RPS6KA5: variants seen among roughly 807,000 people sequenced by gnomAD.
RPS6KA5 encodes the protein ribosomal protein S6 kinase alpha-5.
A neutral mutation model predicts 85.5 loss-of-function variants in RPS6KA5; 27 were observed. The ratio of observed to expected loss-of-function variants is 0.32; its 90% CI spans 0.23 to 0.44. The LOEUF is 0.44. RPS6KA5 is among the 20% of genes least tolerant of loss of function. The pLI is 1.00. For synonymous variants in RPS6KA5, 334 were observed against 348.2 expected, an observed-to-expected ratio of 0.96 and a Z score of 0.46; for missense variants, 811 against 980.9, an observed-to-expected ratio of 0.83 and a Z score of 2.31.
rs1269247793 is a variant in RPS6KA5, at chr14:90,859,159, C to T, written c.*12915G>A. 1 of 152,160 alleles carries T rather than the reference C, an allele frequency of 6.6e-6. No individual in the cohort carries two copies. Among genetic ancestry groups the T allele is most frequent in the Non-Finnish European group, 1.5e-5 (1 of 68,066 alleles). 9.4% of individuals were successfully genotyped at this position (152,160 alleles called of 1,614,324 possible). On this transcript the variant is annotated 3_prime_UTR_variant, in exon 17 of 17. Transcript: ENST00000614987. ...AGAGGCCATATGCTAGGAGTAAGAG[C>T]AAAACTGAAATGTACAAGCCCAACA...
At chr14:91,036,818 G>A (rs539038736) in intron 1 of RPS6KA5, among the ~76,000 whole-genome samples, 1 of 152,290 alleles carries the variant, frequency 6.6e-6, no homozygotes, top group Non-Finnish European at 1.5e-5. Flanking sequence ...CCCAAGGGGA[G>A]CATTAACTTC....
rs1277471045 is a variant in RPS6KA5, at chr14:91,060,405, G to A, written c.30C>T (p.Gly10=). MEEEGGSSG[G]AAGTSADGGD... ...CGCCGTCCGCGCTGGTCCCCGCGGC[G>A]CCGCCGCTGCTGCCACCCTCCTCCT... Residue 10 remains glycine, a synonymous_variant, in exon 1 of 17, where the codon GGC becomes GGT. Transcript: ENST00000614987. 3.3e-6 allele frequency: 5 copies of A among 1,504,150 alleles called. No homozygotes were observed. Among genetic ancestry groups the A allele is most frequent in the East Asian group, 2.7e-5 (1 of 37,268 alleles). The allele number at this position is 1,504,150 out of a possible 1,614,324, so 93.2% of individuals were successfully genotyped here. A position where few individuals can be genotyped will look rare whatever the true frequency, so the allele number is the denominator to read the frequency against.
intron 5 of RPS6KA5, among the ~76,000 whole-genome samples, chr14:90,926,678 T>C (rs2036689627): frequency 4.0e-5 from 6 of 151,446 alleles, no homozygotes; most frequent in Admixed American, 4.0e-4. Flanking sequence ...TGTGTGTGTG[T>C]GTGTGTGTGT....
chr14:90,858,707 C>A lies in RPS6KA5; in HGVS notation c.*13367G>T, dbSNP rs1407356645. The stretch of plus-strand genomic sequence containing the variant: ...AACTTGACGAGCTGCAATAAAATAG[C>A]TGAAAGGAGGGAAAAAAGGGAAGCA... On this transcript the variant is annotated 3_prime_UTR_variant, in exon 17 of 17. Coordinates refer to ENST00000614987, the MANE Select transcript of RPS6KA5 (RefSeq NM_004755.4). 1 of 152,090 alleles carries A rather than the reference C, an allele frequency of 6.6e-6. No individual in the cohort carries two copies. The highest frequency in any genetic ancestry group is 1.9e-4 in the East Asian group (1 of 5,194). 9.4% of individuals were successfully genotyped at this position (152,090 alleles called of 1,614,324 possible).
At chr14:90,916,714 T>G (rs1357055322) in intron 7 of RPS6KA5, among the ~76,000 whole-genome samples, 2 of 151,994 alleles carry the variant, frequency 1.3e-5, no homozygotes, top group East Asian at 3.8e-4. Context: ...ACCATGAAAT[T>G]ACAGGTTGAC....
At chr14:91,021,759 G>A (rs2041791774) in intron 1 of RPS6KA5, among the ~76,000 whole-genome samples, 1 of 152,134 alleles carries the variant, frequency 6.6e-6, no homozygotes, top group African/African-American at 2.4e-5. Context: ...TTTGGTCACT[G>A]GAAGCACTTT....
rs2032542000 is a variant in RPS6KA5 at position 90,861,377 on chromosome 14, C to G, written c.*10697G>C. On this transcript the variant is annotated 3_prime_UTR_variant, in exon 17 of 17. Coordinates refer to ENST00000614987, the MANE Select transcript of RPS6KA5 (RefSeq NM_004755.4). ...CTCTACTAAAAATACAAAAAATTAG[C>G]CGGGCGTAGTGGCAGGCGCCTGTAG... is the stretch of plus-strand genomic sequence containing the variant. The G allele has an allele frequency of 6.8e-6, 1 of 147,864 alleles. No individual in the cohort carries two copies. The allele number at this position is 147,864 out of a possible 1,614,324, so 9.2% of individuals were successfully genotyped here. A position where few individuals can be genotyped will look rare whatever the true frequency, so the allele number is the denominator to read the frequency against.
At chr14:90,919,263 G>A (rs192695493) in intron 7 of RPS6KA5, among the ~76,000 whole-genome samples, 138 of 152,252 alleles carry the variant, frequency 9.1e-4, no homozygotes, top group Non-Finnish European at 1.3e-3. Flanking sequence ...GTAAGCTGGG[G>A]CAATCATAGG....
At chr14:90,883,801 T>C (rs1197122963) in intron 14 of RPS6KA5, among the ~76,000 whole-genome samples, 3 of 152,220 alleles carry the variant, frequency 2.0e-5, no homozygotes, top group Non-Finnish European at 4.4e-5. Context: ...TTTGTTTTTG[T>C]TTATTGCTTT....
chr14:90,927,021 T>C (rs2097635117), intron 5 of RPS6KA5, among the ~76,000 whole-genome samples: 1 of 152,154 alleles, frequency 6.6e-6, no homozygotes, highest in African/African-American at 2.4e-5. Flanking sequence ...AAATACTAAA[T>C]AATATAAAAA....
intron 7 of RPS6KA5, among the ~76,000 whole-genome samples, chr14:90,908,756 G>A (rs902130910): frequency 5.9e-5 from 9 of 152,336 alleles, no homozygotes; most frequent in Non-Finnish European, 7.3e-5. Flanking sequence ...CGTGGCAGGT[G>A]GGTCAGGTGC....
Position 90,856,829 on chromosome 14 carries a change from C to A in RPS6KA5, c.*15245G>T. Reference sequence around the variant, plus strand: ...TATACATTGTCACTCCCTATTTCCCCCTCCCACCAGCCCCTGAAAAACACT... The same window carrying A: ...TATACATTGTCACTCCCTATTTCCCACTCCCACCAGCCCCTGAAAAACACT... On this transcript the variant is annotated 3_prime_UTR_variant, in exon 17 of 17. Coordinates refer to ENST00000614987, the MANE Select transcript of RPS6KA5 (RefSeq NM_004755.4). 1 of 163,192 alleles carries A rather than the reference C, an allele frequency of 6.1e-6. No individual in the cohort carries two copies. Among genetic ancestry groups the A allele is most frequent in the Non-Finnish European group, 1.3e-5 (1 of 76,230 alleles). 10.1% of individuals were successfully genotyped at this position (163,192 alleles called of 1,614,324 possible).
At chr14:90,986,860 C>G (rs1405510787) in intron 2 of RPS6KA5, among the ~76,000 whole-genome samples, 1 of 152,250 alleles carries the variant, frequency 6.6e-6, no homozygotes, top group African/African-American at 2.4e-5. Context: ...CTGCTTAGAC[C>G]ACATGCCTGT....
chr14:91,056,261 T>A (rs2043313666), intron 1 of RPS6KA5, among the ~76,000 whole-genome samples: 1 of 152,146 alleles, frequency 6.6e-6, no homozygotes. Context: ...CTCCTCTTCT[T>A]AGAGTTTAGT....
Position 90,858,918 on chromosome 14 carries a change from G to T in RPS6KA5, c.*13156C>A, listed in dbSNP as rs2032409424. The T allele has an allele frequency of 6.6e-6, 1 of 152,208 alleles. No individual in the cohort carries two copies. Among genetic ancestry groups the T allele is most frequent in the South Asian group, 2.1e-4 (1 of 4,834 alleles). The allele number at this position is 152,208 out of a possible 1,614,324, so 9.4% of individuals were successfully genotyped here. Reference sequence around the variant, plus strand: ...CAGAGCGAAGAAACCTCAGGGAAGTGAGCCTGAAATACTGGTACAGTATCT... The same window carrying T: ...CAGAGCGAAGAAACCTCAGGGAAGTTAGCCTGAAATACTGGTACAGTATCT... On this transcript the variant is annotated 3_prime_UTR_variant, in exon 17 of 17. Transcript: ENST00000614987.
intron 3 of RPS6KA5, among the ~76,000 whole-genome samples, chr14:90,961,067 T>C (rs1300959847): frequency 6.6e-6 from 1 of 152,144 alleles, no homozygotes; most frequent in Admixed American, 6.5e-5. Context: ...AAACAATGAC[T>C]TGGGTGGCCC....
At chr14:90,993,831 C>G (rs2040405923) in intron 2 of RPS6KA5, among the ~76,000 whole-genome samples, 1 of 152,160 alleles carries the variant, frequency 6.6e-6, no homozygotes, top group African/African-American at 2.4e-5. Context: ...TTTCTTTGAA[C>G]AGTGCCTCTA....
At chr14:90,928,763 A>G (rs1260713865) in intron 5 of RPS6KA5, among the ~76,000 whole-genome samples, 1 of 151,394 alleles carries the variant, frequency 6.6e-6, no homozygotes, top group Non-Finnish European at 1.5e-5. Flanking sequence ...AAGGAAAAAA[A>G]CACACTCTGG....
At position 90,906,238 on chromosome 14, in the gene RPS6KA5, T is replaced by G; in HGVS notation, c.868A>C (p.Ile290Leu). Residue 290 changes from isoleucine (I) to leucine (L), a missense_variant, in exon 8 of 17, where the codon ATT becomes CTT. Ile to Leu is a conservative substitution (Grantham distance 5). Transcript: ENST00000614987. ...QEMSALAKDL[I>L]QRLLMKDPKK... Reference sequence around the variant, plus strand: ...GGATCTTTCATCAAAAGACGCTGAATTAGGTCTTTCGCTAAAGCACTCATT... The same window carrying G: ...GGATCTTTCATCAAAAGACGCTGAAGTAGGTCTTTCGCTAAAGCACTCATT... The G allele has an allele frequency of 6.2e-7, 1 of 1,612,866 alleles. No homozygotes were observed. Among genetic ancestry groups the G allele is most frequent in the Admixed American group, 1.7e-5 (1 of 60,004 alleles).
Sources: gnomAD v4.1 joint callset for allele counts (sites outside exome capture counted in the v4.1 genomes callset) on GRCh38, gnomAD v4.1.1 for gene constraint, MANE v1.5 for transcripts, NCBI Gene and HGNC (gene_info 2026-07-23, HGNC 2026-07-21) for gene names.